NLGN1: variants seen among roughly 807,000 people sequenced by gnomAD.
NLGN1 encodes neuroligin-1.
In NLGN1, 12 loss-of-function variants were observed where a neutral mutation model predicts 65.5. The observed-to-expected ratio is 0.18, with a 90% CI of 0.12 to 0.30. The LOEUF (loss-of-function observed/expected upper bound fraction) is 0.30. NLGN1 is among the 10% of genes least tolerant of loss of function. NLGN1 has a pLI of 1.00. For synonymous variants in NLGN1, 350 were observed against 359.5 expected, an observed-to-expected ratio of 0.97 and a Z score of 0.30; for missense variants, 750 against 1,007.1, an observed-to-expected ratio of 0.74 and a Z score of 3.46.
chr3:173,543,012 A>G (rs1739155683), intron 2 of NLGN1, among the ~76,000 whole-genome samples: 1 of 152,124 alleles, frequency 6.6e-6, no homozygotes, highest in Non-Finnish European at 1.5e-5. Flanking sequence ...GTGTAGCAGA[A>G]TGTATTGAAG....
intron 3 of NLGN1, among the ~76,000 whole-genome samples, chr3:173,689,968 A>T (rs1021900966): frequency 6.6e-6 from 1 of 152,210 alleles, no homozygotes; most frequent in Non-Finnish European, 1.5e-5. Context: ...TGAAAAAAGT[A>T]AACATAACAT....
At chr3:173,840,920 C>T (rs971045056) in intron 4 of NLGN1, among the ~76,000 whole-genome samples, 5 of 152,112 alleles carry the variant, frequency 3.3e-5, no homozygotes, top group Admixed American at 3.3e-4. Flanking sequence ...TTAACATCCT[C>T]ACAACTTAAC....
At chr3:174,265,351 C>T (rs962106099) in intron 4 of NLGN1, among the ~76,000 whole-genome samples, 1 of 152,142 alleles carries the variant, frequency 6.6e-6, no homozygotes, top group Non-Finnish European at 1.5e-5. Flanking sequence ...GCGTAGGACC[C>T]TCCGAGCCAG....
intron 2 of NLGN1, among the ~76,000 whole-genome samples, chr3:173,604,033 CTG>C (rs879795361): frequency 2.0e-5 from 3 of 152,066 alleles, no homozygotes; most frequent in Middle Eastern, 3.2e-3. Context: ...GTTTCTAAAA[CTG>C]TGTATTTTAA....
At chr3:173,758,625 G>GCT (rs1777484951) in intron 3 of NLGN1, among the ~76,000 whole-genome samples, 1 of 151,876 alleles carries the variant, frequency 6.6e-6, no homozygotes, top group African/African-American at 2.4e-5. Context: ...GACATGTCTT[G>GCT]CTCTGACTTT....
At chr3:174,290,221 C>T (rs533972894), downstream of NLGN1, among the ~76,000 whole-genome samples, 5 of 150,644 alleles carry the variant, frequency 3.3e-5, no homozygotes, top group African/African-American at 9.7e-5. Flanking sequence ...CTTTGTCTAC[C>T]GTATTTCATG....
intron 3 of NLGN1, among the ~76,000 whole-genome samples, chr3:173,777,717 C>A (rs1361363021): frequency 6.6e-6 from 1 of 151,516 alleles, no homozygotes; most frequent in East Asian, 1.9e-4. Flanking sequence ...TTGGTGGTCA[C>A]TTAGGTTGAT....
chr3:173,663,917 G>A (rs547166464), intron 3 of NLGN1, among the ~76,000 whole-genome samples: 6 of 151,408 alleles, frequency 4.0e-5, no homozygotes, highest in Admixed American at 2.0e-4. Context: ...TGCCTGATGA[G>A]TAGGAGTACA....
chr3:173,552,230 G>C (rs1560425991), intron 2 of NLGN1, among the ~76,000 whole-genome samples: 2 of 152,200 alleles, frequency 1.3e-5, no homozygotes, highest in Non-Finnish European at 2.9e-5. Flanking sequence ...GACCACTGGG[G>C]AGGAGAGAAA....
At chr3:173,531,246 A>G (rs988324631) in intron 2 of NLGN1, among the ~76,000 whole-genome samples, 2 of 152,246 alleles carry the variant, frequency 1.3e-5, no homozygotes, top group East Asian at 1.9e-4. Context: ...GTGAAAATAT[A>G]TAGAGGAATA....
intron 1 of NLGN1, among the ~76,000 whole-genome samples, chr3:173,421,255 T>A (rs1334706405): frequency 6.6e-6 from 1 of 152,044 alleles, no homozygotes; most frequent in Non-Finnish European, 1.5e-5. Context: ...GGATGTAGTC[T>A]TAAAATTAGA....
In NLGN1 at chr3:174,199,005, G is replaced by A. The variant is rs546584934; in HGVS notation, c.647-76310G>A. Among the ~76,000 whole-genome samples the A allele has an allele frequency of 1.2e-3, 183 of 152,020 alleles. 1 individual carries two copies. Among genetic ancestry groups the A allele is most frequent in the African/African-American group, 4.1e-3 (170 of 41,470 alleles). ...TGGAATTACAGCCATGTGCCACCAC[G>A]CCAGGCTAATTTTGTGTTTTTAGTA... On this transcript the variant is annotated intron_variant, in intron 4 of 6. Coordinates refer to ENST00000457714, the Ensembl canonical transcript of NLGN1.
chr3:173,961,507 G>A (rs1713556380), intron 4 of NLGN1, among the ~76,000 whole-genome samples: 1 of 141,744 alleles, frequency 7.1e-6, no homozygotes, highest in Admixed American at 6.8e-5. Flanking sequence ...TTATAAAGAA[G>A]TCATATATTC....
At chr3:173,608,838 C>A (rs1046820634) in intron 3 of NLGN1, among the ~76,000 whole-genome samples, 2 of 151,808 alleles carry the variant, frequency 1.3e-5, no homozygotes, top group Non-Finnish European at 2.9e-5. Flanking sequence ...TTAATGCTCA[C>A]CTTAATTGAA....
intron 3 of NLGN1, among the ~76,000 whole-genome samples, chr3:173,612,418 G>A (rs1004169820): frequency 5.9e-5 from 9 of 152,100 alleles, no homozygotes; most frequent in Non-Finnish European, 1.0e-4. Context: ...AAATCAAGGA[G>A]TGGGAAGGAT....
In NLGN1 at chr3:173,911,678, TCTAA is replaced by T. The variant is rs567424419; in HGVS notation, c.646+103849_646+103852del. On this transcript the variant is annotated intron_variant, in intron 4 of 6. Transcript: ENST00000457714. Reference sequence around the variant, plus strand: ...CCCAAAGCAGTTTCTGTTGACTGGCTCTAACTGACTGTCAGTTCAGCAAAGGTTC... The same window carrying T: ...CCCAAAGCAGTTTCTGTTGACTGGCTCTGACTGTCAGTTCAGCAAAGGTTC... 1.5e-3 allele frequency among the ~76,000 whole-genome samples: 231 copies of T among 152,288 alleles called. 2 individuals carry two copies. Among genetic ancestry groups the T allele is most frequent in the Non-Finnish European group, 2.8e-4 (19 of 68,034 alleles).
At chr3:173,774,898 A>G (rs1780078645) in intron 3 of NLGN1, among the ~76,000 whole-genome samples, 1 of 152,024 alleles carries the variant, frequency 6.6e-6, no homozygotes, top group Admixed American at 6.6e-5. Context: ...CCTTCTTACA[A>G]CACATTTAAA....
intron 2 of NLGN1, among the ~76,000 whole-genome samples, chr3:173,538,602 G>T (rs1262899015): frequency 6.6e-6 from 1 of 152,092 alleles, no homozygotes; most frequent in African/African-American, 2.4e-5. Context: ...TAGGTAACTG[G>T]CTGGTCACTG....
At chr3:173,748,208 A>T (rs933498686) in intron 3 of NLGN1, among the ~76,000 whole-genome samples, 10 of 152,072 alleles carry the variant, frequency 6.6e-5, no homozygotes, top group Non-Finnish European at 1.2e-4. Context: ...CTCAAGAAAG[A>T]TTTTATCAAG....
Sources: allele counts gnomAD v4.1 joint callset (sites outside exome capture counted in the v4.1 genomes callset), GRCh38; gene constraint gnomAD v4.1.1; transcripts MANE v1.5; gene names NCBI Gene and HGNC (gene_info 2026-07-23, HGNC 2026-07-21).